The following NSMAF variants were observed in gnomAD, a reference collection of about 807,000 sequenced individuals.
NSMAF encodes the protein protein FAN.
Under a neutral mutation model 134.9 loss-of-function variants are expected in NSMAF, and 90 were observed. The ratio of observed to expected loss-of-function variants is 0.67; its 90% confidence interval spans 0.56 to 0.79. The LOEUF is 0.79. Ranked by LOEUF, NSMAF falls within the 30% of genes least tolerant of loss-of-function variation. The probability of loss-of-function intolerance (pLI) is 0.00; values close to 1 mark genes in which losing one functional copy is unlikely to be tolerated. For missense variants in NSMAF, 1,010 were observed against 1,119.0 expected (o/e 0.90, Z 1.39); for synonymous variants, 358 against 389.6 (o/e 0.92, Z 0.96).
chr8:58,622,296 T>C (rs1334588913), intron 9 of NSMAF, among the ~76,000 whole-genome samples: 1 of 152,154 alleles, frequency 6.6e-6, no homozygotes, highest in Non-Finnish European at 1.5e-5. Flanking sequence ...TACAGAGGCA[T>C]AATCATGGCT....
At chr8:58,645,838 C>T (rs369613389) in intron 1 of NSMAF, among the ~76,000 whole-genome samples, 3 of 152,104 alleles carry the variant, frequency 2.0e-5, no homozygotes, top group East Asian at 1.9e-4. Context: ...GTCAGGAGTT[C>T]GAGACCAGCC....
chr8:58,605,770 C>G (rs1447761692), intron 12 of NSMAF, among the ~76,000 whole-genome samples, 157 bp downstream of exon 12: 1 of 151,554 alleles, frequency 6.6e-6, no homozygotes, highest in Non-Finnish European at 1.5e-5. Flanking sequence ...GTCCCAGCTA[C>G]TCGGGAGGCT....
At position 58,618,008 on chromosome 8, in the gene NSMAF, G is replaced by T. The variant is rs140016690; in HGVS notation, c.557+5212C>A. On this transcript the variant is annotated intron_variant, in intron 9 of 30. Transcript: ENST00000038176. ...AAAAAGGGATGAGTTCATGTCCTTT[G>T]CAGGGACATGGACGAAGCTGGAAAC... is the stretch of plus-strand genomic sequence containing the variant. Among the ~76,000 whole-genome samples, 795 of 152,274 alleles carry T rather than the reference G, an allele frequency of 5.2e-3. 9 individuals are homozygous for T. Among genetic ancestry groups the T allele is most frequent in the African/African-American group, 0.018 (748 of 41,560 alleles).
In NSMAF at chr8:58,591,632, C is replaced by T. The variant is rs536698227; in HGVS notation, c.1952-698G>A. ...CTCCCGAATAGCTGGGATTTTTTGA[C>T]GTGCACACCACGGCTGGCTAAGTTT... On this transcript the variant is annotated intron_variant, in intron 23 of 30. Coordinates refer to ENST00000038176, the MANE Select transcript of NSMAF (RefSeq NM_003580.4). Among the ~76,000 whole-genome samples, 10 of 151,718 alleles carry T rather than the reference C, an allele frequency of 6.6e-5. No individual in the cohort carries two copies. In the Middle Eastern group the frequency reaches 0.01, roughly 155 times the overall value.
chr8:58,642,042 C>T (rs1001564093), intron 2 of NSMAF, among the ~76,000 whole-genome samples: 6 of 152,098 alleles, frequency 3.9e-5, no homozygotes, highest in Non-Finnish European at 5.9e-5. Flanking sequence ...AAGCAAGGTG[C>T]TGTGTTCAGG....
At chr8:58,635,650 T>A in intron 2 of NSMAF, 104 bp from the exon 3 acceptor site, 1 of 696,078 alleles carries the variant, frequency 1.4e-6, no homozygotes, top group African/African-American at 1.8e-5. Flanking sequence ...CATCACATAA[T>A]AAAAGATCAA....
chr8:58,617,312 G>T (rs1215315599), intron 9 of NSMAF, among the ~76,000 whole-genome samples: 1 of 152,112 alleles, frequency 6.6e-6, no homozygotes, highest in Non-Finnish European at 1.5e-5. Flanking sequence ...AGACAAATGG[G>T]ATCTAATTAA....
chr8:58,610,347 A>G (rs6991644), intron 9 of NSMAF, among the ~76,000 whole-genome samples: 20,032 of 152,216 alleles, frequency 0.13, 3,225 homozygotes, highest in African/African-American at 0.38. Flanking sequence ...AATAAGGGAA[A>G]ACAACCAAAT....
At chr8:58,619,169 T>C (rs1294417565) in intron 9 of NSMAF, among the ~76,000 whole-genome samples, 1 of 152,094 alleles carries the variant, frequency 6.6e-6, no homozygotes. Flanking sequence ...AGTATAAAAA[T>C]GGAAATAAAA....
chr8:58,586,239 G>T, intron 28 of NSMAF: 1 of 617,192 alleles, frequency 1.6e-6, no homozygotes, highest in Non-Finnish European at 2.8e-6. Context: ...CTCTAATGAG[G>T]AATTAAAAAT....
At chr8:58,623,661 A>G (rs777911743) in intron 7 of NSMAF, 48 bp downstream of exon 7, 2 of 1,493,328 alleles carry the variant, frequency 1.3e-6, no homozygotes, top group Non-Finnish European at 1.9e-6. Flanking sequence ...TTATAAAAAC[A>G]GTTTTTGCCT....
chr8:58,656,950 G>A (rs532398398), intron 1 of NSMAF, among the ~76,000 whole-genome samples: 10 of 151,514 alleles, frequency 6.6e-5, no homozygotes, highest in Admixed American at 2.6e-4. Flanking sequence ...ATATACTATC[G>A]CAATTACTTA....
chr8:58,647,563 A>T (rs1202200123), intron 1 of NSMAF, among the ~76,000 whole-genome samples: 1 of 152,108 alleles, frequency 6.6e-6, no homozygotes, highest in Non-Finnish European at 1.5e-5. Context: ...CTCATGACTC[A>T]GCACCATCCC....
chr8:58,623,053 T>C (rs956671265), intron 9 of NSMAF, among the ~76,000 whole-genome samples, 167 bp downstream of exon 9: 2 of 151,950 alleles, frequency 1.3e-5, no homozygotes, highest in South Asian at 2.1e-4. Flanking sequence ...TGGAGAAGAG[T>C]TGAGGAAGCG....
chr8:58,651,986 T>A (rs899560014), intron 1 of NSMAF, among the ~76,000 whole-genome samples: 1 of 152,118 alleles, frequency 6.6e-6, no homozygotes, highest in African/African-American at 2.4e-5. Context: ...AAGGATACCA[T>A]AAAAATAAGC....
In NSMAF at chr8:58,587,770, A is replaced by G. The variant is rs966623566; in HGVS notation, c.2212-69T>C. ...AAAAAGTCATTTTCTAGTGCATTCAAGAAAAACTCCTATGCTCAATTTCCA... is the reference window on the plus strand; with the variant it reads ...AAAAAGTCATTTTCTAGTGCATTCAGGAAAAACTCCTATGCTCAATTTCCA... On this transcript the variant is annotated intron_variant, in intron 26 of 30. Transcript: ENST00000038176. 3.0e-6 allele frequency: 4 copies of G among 1,322,080 alleles called. No homozygotes were observed. The African/African-American group carries it at 4.4e-5, about 14-fold the overall frequency. 81.9% of individuals were successfully genotyped at this position (1,322,080 alleles called of 1,614,324 possible).
At chr8:58,640,699 A>C (rs1327288984) in intron 2 of NSMAF, among the ~76,000 whole-genome samples, 2 of 152,026 alleles carry the variant, frequency 1.3e-5, no homozygotes, top group Admixed American at 6.6e-5. Flanking sequence ...AATTAAATTC[A>C]TTTGTTTCTT....
intron 30 of NSMAF, 133 bp downstream of exon 30, chr8:58,585,519 C>T (rs1805861974): frequency 1.5e-6 from 1 of 646,040 alleles, no homozygotes; most frequent in Non-Finnish European, 2.7e-6. Context: ...CAAGAGGCTC[C>T]AGGGACATGT....
chr8:58,630,095 G>A (rs1563538699), intron 6 of NSMAF, among the ~76,000 whole-genome samples: 3 of 152,204 alleles, frequency 2.0e-5, no homozygotes, highest in African/African-American at 7.2e-5. Context: ...ATCATGTGGT[G>A]CTGTGTGGGA....
Sources: allele counts gnomAD v4.1 joint callset (sites outside exome capture counted in the v4.1 genomes callset), GRCh38; gene constraint gnomAD v4.1.1; transcripts MANE v1.5; gene names NCBI Gene and HGNC (gene_info 2026-07-23, HGNC 2026-07-21).